Variants in MALRD1 observed in about 807,000 individuals in gnomAD.
MALRD1 encodes MAM and LDL receptor class A domain containing 1.
A neutral mutation model predicts 242.1 loss-of-function variants in MALRD1; 247 were observed. That is an observed-to-expected ratio of 1.02 (90% CI 0.92 to 1.13). MALRD1 has a LOEUF of 1.13. Ranked by LOEUF, MALRD1 falls within the 50% of genes most tolerant of loss-of-function variation. MALRD1 has a pLI of 0.00. For synonymous variants in MALRD1, 995 were observed against 866.6 expected (o/e 1.15, Z -2.60); for missense variants, 2,989 against 2,533.1 (o/e 1.18, Z -3.86).
At chr10:19,166,128 G>T (rs1444608202) in intron 13 of MALRD1, among the ~76,000 whole-genome samples, 1 of 152,180 alleles carries the variant, frequency 6.6e-6, no homozygotes, top group Non-Finnish European at 1.5e-5. Flanking sequence ...GATAAGAAAT[G>T]AATAAGATGG....
chr10:19,381,215 C>G (rs112204048), intron 26 of MALRD1, among the ~76,000 whole-genome samples: 2,657 of 150,878 alleles, frequency 0.018, 79 homozygotes, highest in African/African-American at 0.062. Context: ...CAATTTCATC[C>G]ATGTCCCTAC....
intron 28 of MALRD1, among the ~76,000 whole-genome samples, chr10:19,444,555 T>C (rs945115187): frequency 1.3e-5 from 2 of 152,136 alleles, no homozygotes; most frequent in Admixed American, 6.5e-5. Flanking sequence ...TTTATTTCTC[T>C]TTCACTTATG....
intron 2 of MALRD1, among the ~76,000 whole-genome samples, chr10:19,081,264 G>A (rs2131280189): frequency 6.6e-6 from 1 of 151,668 alleles, no homozygotes; most frequent in South Asian, 2.1e-4. Flanking sequence ...CCATTACTGG[G>A]TATATAACCA....
chr10:19,443,115 T>C (rs1564344427), intron 28 of MALRD1, among the ~76,000 whole-genome samples: 1 of 152,226 alleles, frequency 6.6e-6, no homozygotes, highest in African/African-American at 2.4e-5. Flanking sequence ...TAGAGGTGTT[T>C]ATAGTATTCT....
intron 36 of MALRD1, among the ~76,000 whole-genome samples, chr10:19,667,123 C>T (rs980179529): frequency 1.3e-5 from 2 of 152,112 alleles, no homozygotes; most frequent in African/African-American, 2.4e-5. Context: ...CACTGCCTCT[C>T]AATTAAGGAG....
chr10:19,591,191 A>C (rs1402573280), intron 33 of MALRD1, among the ~76,000 whole-genome samples: 1 of 152,238 alleles, frequency 6.6e-6, no homozygotes, highest in East Asian at 1.9e-4. Context: ...TTCACTTAGT[A>C]ACCTACATTT....
chr10:19,436,029 C>T (rs1834337241), intron 28 of MALRD1, among the ~76,000 whole-genome samples: 1 of 152,126 alleles, frequency 6.6e-6, no homozygotes, highest in Admixed American at 6.6e-5. Flanking sequence ...GGGCACAGCT[C>T]TCAGCACCTG....
rs551224505 is a variant in MALRD1, at chr10:19,409,416, A to G, written c.4845+19807A>G. Among the ~76,000 whole-genome samples the G allele has an allele frequency of 1.1e-4, 17 of 152,202 alleles. No homozygotes were observed. In the East Asian group the frequency reaches 2.1e-3, roughly 19 times the overall value. On this transcript the variant is annotated intron_variant, in intron 28 of 39. Transcript: ENST00000454679. ...GCTGCAGTGAGCTATGATCATGCCAATGCACTCTAGCCTCGGCAACAGAGT... is the reference window on the plus strand; with the variant it reads ...GCTGCAGTGAGCTATGATCATGCCAGTGCACTCTAGCCTCGGCAACAGAGT...
chr10:19,628,615 ATAGT>A lies in MALRD1; in HGVS notation c.6137+12697_6137+12700del, dbSNP rs1457410007. Among the ~76,000 whole-genome samples the A allele has an allele frequency of 2.0e-5, 3 of 152,102 alleles. No individual in the cohort carries two copies. The East Asian group carries it at 5.8e-4, about 29-fold the overall frequency. Reference sequence around the variant, plus strand: ...TGAGTTACACATCAAACTGTTAAGAATAGTTAGTGAGCTCTGTAGAAGATTGGCT... The same window carrying A: ...TGAGTTACACATCAAACTGTTAAGAATAGTGAGCTCTGTAGAAGATTGGCT... On this transcript the variant is annotated intron_variant, in intron 36 of 39. Transcript: ENST00000454679.
intron 2 of MALRD1, among the ~76,000 whole-genome samples, chr10:19,073,591 A>G (rs1036003474): frequency 6.6e-6 from 1 of 152,164 alleles, no homozygotes; most frequent in African/African-American, 2.4e-5. Context: ...GTACAAAATT[A>G]CCTTCAGGTT....
intron 36 of MALRD1, among the ~76,000 whole-genome samples, chr10:19,672,196 T>C (rs1223776274): frequency 2.6e-5 from 4 of 152,038 alleles, no homozygotes; most frequent in African/African-American, 9.7e-5. Context: ...TGTCCAAGGG[T>C]GTGAAGATTT....
chr10:19,301,104 A>G (rs1841935487), intron 21 of MALRD1, among the ~76,000 whole-genome samples: 1 of 152,170 alleles, frequency 6.6e-6, no homozygotes, highest in African/African-American at 2.4e-5. Flanking sequence ...CAACCAGCAG[A>G]TGAAGAAATG....
chr10:19,653,617 T>G (rs1409937894), intron 36 of MALRD1, among the ~76,000 whole-genome samples: 4 of 152,206 alleles, frequency 2.6e-5, no homozygotes, highest in Non-Finnish European at 5.9e-5. Flanking sequence ...TTTTTTCTTC[T>G]TGCCTCTGGG....
intron 28 of MALRD1, among the ~76,000 whole-genome samples, chr10:19,417,685 A>C (rs1179456850): frequency 1.3e-5 from 2 of 152,316 alleles, no homozygotes; most frequent in East Asian, 3.9e-4. Flanking sequence ...TATGATATTG[A>C]GGGTCACATC....
intron 29 of MALRD1, among the ~76,000 whole-genome samples, chr10:19,457,995 C>T (rs1835747658): frequency 1.3e-5 from 2 of 151,904 alleles, no homozygotes; most frequent in South Asian, 4.1e-4. Flanking sequence ...TTAACTTGAA[C>T]CAGACCCAGG....
intron 13 of MALRD1, among the ~76,000 whole-genome samples, chr10:19,174,543 T>C (rs1287191914): frequency 6.7e-6 from 1 of 149,846 alleles, no homozygotes; most frequent in Non-Finnish European, 1.5e-5. Context: ...TTCCCTCCTT[T>C]CTCTCTCTCT....
intron 39 of MALRD1, among the ~76,000 whole-genome samples, chr10:19,732,962 T>C (rs1835355319): frequency 6.6e-6 from 1 of 152,232 alleles, no homozygotes; most frequent in African/African-American, 2.4e-5. Flanking sequence ...CCTTTCATTA[T>C]GAATGGCTAA....
chr10:19,725,564 C>T (rs1281291758), intron 38 of MALRD1, among the ~76,000 whole-genome samples: 1 of 152,118 alleles, frequency 6.6e-6, no homozygotes, highest in Non-Finnish European at 1.5e-5. Context: ...CAATCTCTAT[C>T]GAAAATTCCA....
intron 18 of MALRD1, among the ~76,000 whole-genome samples, chr10:19,224,356 G>A (rs1045831401): frequency 1.0e-4 from 15 of 148,720 alleles, no homozygotes; most frequent in African/African-American, 1.7e-4. Context: ...GCACAATTTC[G>A]GCTCACTGCA....
Sources: allele counts gnomAD v4.1 joint callset (sites outside exome capture counted in the v4.1 genomes callset), GRCh38; gene constraint gnomAD v4.1.1; transcripts MANE v1.5; gene names NCBI Gene and HGNC (gene_info 2026-07-23, HGNC 2026-07-21).